Variants in STYXL1 observed in about 807,000 individuals in gnomAD.
The protein encoded by STYXL1 is serine/threonine/tyrosine-interacting-like protein 1.
In STYXL1, 32 loss-of-function variants were observed where a neutral mutation model predicts 36.4. That is an observed-to-expected ratio of 0.88 (90% CI 0.66 to 1.18). The LOEUF is 1.18. STYXL1 is among the 50% of genes most tolerant of loss of function. STYXL1 has a pLI of 0.00. For synonymous variants in STYXL1, 133 were observed against 144.1 expected (o/e 0.92, Z 0.55); for missense variants, 354 against 394.1 (o/e 0.90, Z 0.86).
At chr7:76,041,770 ATGTATT>A (rs1162821977) in intron 1 of STYXL1, among the ~76,000 whole-genome samples, 1 of 152,238 alleles carries the variant, frequency 6.6e-6, no homozygotes, top group Non-Finnish European at 1.5e-5. Context: ...CAGGCTGTCA[ATGTATT>A]TGTATATTTT....
At chr7:76,040,864 G>T (rs1299659622) in intron 1 of STYXL1, among the ~76,000 whole-genome samples, 1 of 150,012 alleles carries the variant, frequency 6.7e-6, no homozygotes, top group Non-Finnish European at 1.5e-5. Flanking sequence ...AAAATGAAAA[G>T]AAAAAGAAAA....
intron 4 of STYXL1, among the ~76,000 whole-genome samples, chr7:76,020,540 G>A (rs1481259644): frequency 1.3e-5 from 2 of 152,168 alleles, no homozygotes; most frequent in Non-Finnish European, 2.9e-5. Flanking sequence ...CAATCCCTGG[G>A]GGACAGGACA....
intron 4 of STYXL1, among the ~76,000 whole-genome samples, chr7:76,018,373 T>C (rs1046660599): frequency 6.6e-6 from 1 of 152,166 alleles, no homozygotes; most frequent in African/African-American, 2.4e-5. Flanking sequence ...TCATCTACAT[T>C]ATAGCACATG....
At chr7:76,001,839 T>C (rs1554567716) in intron 7 of STYXL1, among the ~76,000 whole-genome samples, 2 of 136,988 alleles carry the variant, frequency 1.5e-5, no homozygotes, top group African/African-American at 5.4e-5. Flanking sequence ...GCAGTCTCAC[T>C]ATGTTGTTCA....
At position 76,028,685 on chromosome 7, in the gene STYXL1, T is replaced by G; in HGVS notation, c.122A>C (p.Glu41Ala). 6.2e-7 allele frequency: 1 copy of G among 1,614,170 alleles called. No homozygotes were observed. The highest frequency in any genetic ancestry group is 8.5e-7 in the Non-Finnish European group (1 of 1,180,004). The change falls in exon 3 of 9, where the codon GAG becomes GCG. Residue 41 changes from glutamate to alanine, a missense_variant. Glu to Ala is a moderately radical substitution (Grantham distance 107). Coordinates refer to ENST00000359697, the MANE Select transcript of STYXL1 (RefSeq NM_001317785.2). ...LCLLDVRSKW[E>A]YDESHVITAL... ...AGTGATCACATGGCTTTCGTCATAC[T>G]CCCATTTGGAACGGACATCTGGAAA...
intron 3 of STYXL1, among the ~76,000 whole-genome samples, 185 bp from the exon 4 acceptor site, chr7:76,022,177 C>A (rs563836339): frequency 4.9e-4 from 75 of 152,280 alleles, no homozygotes; most frequent in African/African-American, 1.7e-3. Flanking sequence ...GGATCCTCCA[C>A]AACTGTGTTC....
rs116693795 is a variant in STYXL1, at chr7:76,011,682, C to T, written c.453+2060G>A. The stretch of plus-strand genomic sequence containing the variant: ...AAGCCAGACATCTGTACACGGCACT[C>T]TCCAGGGACCAGGCCCTGCCTGCAA... On this transcript the variant is annotated intron_variant, in intron 5 of 8. Transcript: ENST00000359697. Among the ~76,000 whole-genome samples, 483 of 152,364 alleles carry T rather than the reference C, an allele frequency of 3.2e-3. 4 individuals are homozygous for T. The highest frequency in any genetic ancestry group is 0.011 in the African/African-American group (463 of 41,594).
At chr7:76,023,486 C>T (rs1004722203) in intron 3 of STYXL1, among the ~76,000 whole-genome samples, 6 of 152,062 alleles carry the variant, frequency 3.9e-5, no homozygotes, top group African/African-American at 1.4e-4. Flanking sequence ...ACTTCAGCCT[C>T]CTGAGTAGCT....
In STYXL1 at chr7:76,003,742, AAGG is replaced by A; in HGVS notation, c.697+13_697+15del. Reference sequence around the variant, plus strand: ...GACACAGGCCAGTTGCTACCCGGCCAAGGAACGCTCCTTACCAATGAAGTGACA... The same window carrying A: ...GACACAGGCCAGTTGCTACCCGGCCAAACGCTCCTTACCAATGAAGTGACA... On this transcript the variant is annotated intron_variant, in intron 7 of 8. Coordinates refer to ENST00000359697, the MANE Select transcript of STYXL1 (RefSeq NM_001317785.2). 6.2e-7 allele frequency: 1 copy of A among 1,613,666 alleles called. No homozygotes were observed. Among genetic ancestry groups the A allele is most frequent in the South Asian group, 1.1e-5 (1 of 91,064 alleles).
intron 3 of STYXL1, 144 bp downstream of exon 3, chr7:76,028,498 A>T: frequency 1.4e-6 from 1 of 700,518 alleles, no homozygotes; most frequent in Non-Finnish European, 2.6e-6. Flanking sequence ...TGTGAGGGTG[A>T]GAGGTGTGGA....
At chr7:76,031,347 A>T (rs2116327082) in intron 1 of STYXL1, among the ~76,000 whole-genome samples, 1 of 149,326 alleles carries the variant, frequency 6.7e-6, no homozygotes, top group East Asian at 2.0e-4. Flanking sequence ...AAAAAAAAAA[A>T]AAAAAAAAAA....
rs561412812 is a variant in STYXL1, at chr7:76,016,127, T to C, written c.308-2240A>G. On this transcript the variant is annotated intron_variant, in intron 4 of 8. Transcript: ENST00000359697. The stretch of plus-strand genomic sequence containing the variant: ...ATACACGCATATATATACACACACA[T>C]ATATCTATACATATGTACATGTATA... 2.4e-4 allele frequency among the ~76,000 whole-genome samples: 36 copies of C among 152,130 alleles called. 1 individual carries two copies. In the South Asian group the frequency reaches 6.0e-3, roughly 25 times the overall value.
chr7:76,010,246 A>T (rs1301080160), intron 5 of STYXL1, among the ~76,000 whole-genome samples: 1 of 143,154 alleles, frequency 7.0e-6, no homozygotes, highest in South Asian at 2.2e-4. Flanking sequence ...CTTATACTAG[A>T]CTGATTGTCT....
intron 3 of STYXL1, among the ~76,000 whole-genome samples, chr7:76,025,925 G>C (rs1554577570): frequency 6.6e-6 from 1 of 152,020 alleles, no homozygotes; most frequent in Non-Finnish European, 1.5e-5. Flanking sequence ...GGGCGCGGTG[G>C]CTCACGCCTG....
chr7:76,033,769 G>C (rs552912353), intron 1 of STYXL1, among the ~76,000 whole-genome samples: 1 of 152,232 alleles, frequency 6.6e-6, no homozygotes, highest in East Asian at 1.9e-4. Context: ...AGCGTGGAAA[G>C]AGAAACACCA....
chr7:76,021,080 A>ATTTT (rs200072611), intron 4 of STYXL1, among the ~76,000 whole-genome samples: 4 of 144,900 alleles, frequency 2.8e-5, no homozygotes, highest in African/African-American at 7.7e-5. Context: ...TGTTACAAGA[A>ATTTT]TTTTTTTTTT....
chr7:76,013,192 GGT>G (rs1585223574), intron 5 of STYXL1, among the ~76,000 whole-genome samples: 1 of 152,046 alleles, frequency 6.6e-6, no homozygotes, highest in East Asian at 2.0e-4. Flanking sequence ...CGGGCGTGCT[GGT>G]GGGCGCCTGT....
chr7:76,046,319 TGTGTGTGTGTGTGTGTGTGTGCGCGC>T (rs1244088288), intron 1 of STYXL1, among the ~76,000 whole-genome samples: 1,896 of 37,830 alleles, frequency 0.05, 76 homozygotes, highest in Non-Finnish European at 0.087. Flanking sequence ...TGTGTGTGTG[TGTGTGTGTGTGTGTGTGTGTGCGCGC>T]GCGCGCGCGC....
intron 5 of STYXL1, among the ~76,000 whole-genome samples, chr7:76,012,463 G>A (rs1390985018): frequency 6.6e-6 from 1 of 151,324 alleles, no homozygotes. Flanking sequence ...GTGTGATCTC[G>A]GCTCCCTGCA....
Sources: allele counts gnomAD v4.1 joint callset (sites outside exome capture counted in the v4.1 genomes callset), GRCh38; gene constraint gnomAD v4.1.1; transcripts MANE v1.5; gene names NCBI Gene and HGNC (gene_info 2026-07-23, HGNC 2026-07-21).